The following TMEFF2 variants were observed in gnomAD, a reference collection of about 807,000 sequenced individuals.
TMEFF2 encodes the protein transmembrane protein with EGF like and two follistatin like domains 2.
A neutral mutation model predicts 53.8 loss-of-function variants in TMEFF2; 28 were observed. The observed-to-expected ratio is 0.52, with a 90% CI of 0.39 to 0.71. The LOEUF is 0.71. Among genes scored for constraint, TMEFF2 ranks in the 30% least tolerant of loss-of-function variants. TMEFF2 has a pLI of 0.00. For synonymous variants in TMEFF2, 162 were observed against 166.3 expected, an observed-to-expected ratio of 0.97 and a Z score of 0.20; for missense variants, 353 against 455.2, an observed-to-expected ratio of 0.78 and a Z score of 2.04.
rs1330888390 is a variant in TMEFF2, at chr2:192,043,928, CAG to C, written c.536+13749_536+13750del. 2.6e-5 allele frequency: 4 copies of C among 152,216 alleles called. No homozygotes were observed. In the East Asian group the frequency reaches 7.7e-4, roughly 29 times the overall value. 9.4% of individuals were successfully genotyped at this position (152,216 alleles called of 1,614,324 possible). A position where few individuals can be genotyped will look rare whatever the true frequency, so the allele number is the denominator to read the frequency against. On this transcript the variant is annotated intron_variant, in intron 5 of 9. Coordinates refer to ENST00000272771, the MANE Select transcript of TMEFF2 (RefSeq NM_016192.4). Reference sequence around the variant, plus strand: ...GAGTCAGATGAATCTTGGAGAATGACAGTGGATTATTATAAGCTTAACTAGGT... The same window carrying C: ...GAGTCAGATGAATCTTGGAGAATGACTGGATTATTATAAGCTTAACTAGGT...
At chr2:191,991,350 C>T in intron 7 of TMEFF2, among the ~76,000 whole-genome samples, 1 of 151,972 alleles carries the variant, frequency 6.6e-6, no homozygotes, top group East Asian at 1.9e-4. Context: ...GACTATATTC[C>T]ATAAAATGTG....
chr2:191,962,171 G>A (rs953619349), intron 7 of TMEFF2, among the ~76,000 whole-genome samples: 1 of 152,142 alleles, frequency 6.6e-6, no homozygotes, highest in South Asian at 2.1e-4. Flanking sequence ...TCTGCAAGTT[G>A]AACATTATTC....
At chr2:192,086,549 G>C (rs1688673620) in intron 4 of TMEFF2, among the ~76,000 whole-genome samples, 1 of 152,052 alleles carries the variant, frequency 6.6e-6, no homozygotes, top group African/African-American at 2.4e-5. Context: ...CTTCAAAAAA[G>C]GTAAAGGGCT....
At chr2:191,970,218 CT>C (rs767660458) in intron 7 of TMEFF2, among the ~76,000 whole-genome samples, 1 of 151,100 alleles carries the variant, frequency 6.6e-6, no homozygotes, top group Admixed American at 6.6e-5. Context: ...CCCAGCATTA[CT>C]TTTTTTTTCT....
intron 4 of TMEFF2, among the ~76,000 whole-genome samples, chr2:192,118,949 A>G (rs188819131): frequency 6.6e-6 from 1 of 152,294 alleles, no homozygotes; most frequent in Non-Finnish European, 1.5e-5. Flanking sequence ...ACTTGACAAT[A>G]CAAGTTCTGA....
chr2:192,047,138 C>G (rs1181227261), intron 5 of TMEFF2, among the ~76,000 whole-genome samples: 2 of 152,114 alleles, frequency 1.3e-5, no homozygotes, highest in Non-Finnish European at 2.9e-5. Flanking sequence ...CCAGGTTGGT[C>G]ACAAACTCCT....
chr2:192,064,380 A>T (rs183083808), intron 4 of TMEFF2, among the ~76,000 whole-genome samples: 1 of 151,800 alleles, frequency 6.6e-6, no homozygotes, highest in Non-Finnish European at 1.5e-5. Context: ...CTTTTAAAAC[A>T]TTATTTTTAC....
At chr2:192,135,341 T>TTATA (rs1163827012) in intron 4 of TMEFF2, among the ~76,000 whole-genome samples, 1 of 151,950 alleles carries the variant, frequency 6.6e-6, no homozygotes, top group African/African-American at 2.4e-5. Flanking sequence ...TAATCAGATG[T>TTATA]CCTAGGTCCT....
At chr2:191,991,515 GATCAAGAAACTGAGGCTTCAACTA>G (rs1303980726) in intron 7 of TMEFF2, among the ~76,000 whole-genome samples, 5 of 152,036 alleles carry the variant, frequency 3.3e-5, no homozygotes, top group Non-Finnish European at 4.4e-5. Context: ...CCATTAAACA[GATCAAGAAACTGAGGCTTCAACTA>G]ATCAAGAAAC....
At chr2:192,057,527 A>G (rs1687940414) in intron 5 of TMEFF2, 152 bp downstream of exon 5, 1 of 702,194 alleles carries the variant, frequency 1.4e-6, no homozygotes. Context: ...CCAGTTCCAG[A>G]AATTCCTTGC....
At chr2:192,095,836 AAATAAAT>A (rs1252776130) in intron 4 of TMEFF2, among the ~76,000 whole-genome samples, 2 of 152,226 alleles carry the variant, frequency 1.3e-5, no homozygotes, top group African/African-American at 4.8e-5. Context: ...AATATTTAGC[AAATAAAT>A]AATAAATATA....
At chr2:192,173,835 A>T (rs1690973478) in intron 4 of TMEFF2, among the ~76,000 whole-genome samples, 1 of 151,830 alleles carries the variant, frequency 6.6e-6, no homozygotes, top group African/African-American at 2.4e-5. Context: ...TAAGCCATGG[A>T]CTTAAAATCA....
intron 5 of TMEFF2, among the ~76,000 whole-genome samples, chr2:192,045,580 T>C (rs577315257): frequency 1.3e-5 from 2 of 152,184 alleles, no homozygotes; most frequent in Non-Finnish European, 2.9e-5. Flanking sequence ...GCCAACCCTG[T>C]TCATTGCCCA....
intron 5 of TMEFF2, among the ~76,000 whole-genome samples, chr2:192,005,573 G>A (rs565694125): frequency 2.9e-4 from 44 of 152,256 alleles, no homozygotes; most frequent in African/African-American, 1.1e-3. Flanking sequence ...AATATTCCTA[G>A]TTAGTTTCAA....
intron 5 of TMEFF2, among the ~76,000 whole-genome samples, chr2:192,041,937 C>T (rs893014173): frequency 7.2e-5 from 11 of 152,042 alleles, no homozygotes; most frequent in Admixed American, 2.6e-4. Flanking sequence ...CGGCCAGGTG[C>T]GGTGGCTCAT....
chr2:192,103,162 T>C (rs1489935519), intron 4 of TMEFF2, among the ~76,000 whole-genome samples: 2 of 152,188 alleles, frequency 1.3e-5, no homozygotes, highest in Admixed American at 1.3e-4. Context: ...GTGGTACTTC[T>C]TGATCTTCTC....
intron 5 of TMEFF2, among the ~76,000 whole-genome samples, chr2:192,011,576 T>TA (rs1686626499): frequency 1.3e-5 from 2 of 152,266 alleles, no homozygotes; most frequent in African/African-American, 4.8e-5. Context: ...CTTTCAATAA[T>TA]AGTAAGTGGA....
intron 4 of TMEFF2, among the ~76,000 whole-genome samples, chr2:192,171,714 G>T (rs955360393): frequency 4.6e-5 from 7 of 151,760 alleles, no homozygotes; most frequent in African/African-American, 7.3e-5. Flanking sequence ...TGCAGGATTT[G>T]CCCCTTCATT....
At chr2:192,115,942 T>A (rs1157680662) in intron 4 of TMEFF2, among the ~76,000 whole-genome samples, 1 of 151,892 alleles carries the variant, frequency 6.6e-6, no homozygotes, top group Non-Finnish European at 1.5e-5. Context: ...CCTAAAAAAA[T>A]AAAAATGAAC....
Sources: allele counts gnomAD v4.1 joint callset (sites outside exome capture counted in the v4.1 genomes callset), GRCh38; gene constraint gnomAD v4.1.1; transcripts MANE v1.5; gene names NCBI Gene and HGNC (gene_info 2026-07-23, HGNC 2026-07-21).